The following C9orf85 variants were observed in gnomAD, a reference collection of about 807,000 sequenced individuals.
C9orf85 encodes uncharacterized protein C9orf85.
Under a neutral mutation model 14.9 loss-of-function variants are expected in C9orf85, and 16 were observed. The ratio of observed to expected loss-of-function variants is 1.08; its 90% confidence interval spans 0.73 to 1.63. C9orf85 has a LOEUF of 1.63. Among genes scored for constraint, C9orf85 ranks in the 40% most tolerant of loss-of-function variants. The probability of loss-of-function intolerance (pLI) is 0.00; values close to 1 mark genes in which losing one functional copy is unlikely to be tolerated. For missense variants in C9orf85, 172 were observed against 186.1 expected, an observed-to-expected ratio of 0.92 and a Z score of 0.44; for synonymous variants, 45 against 56.8, an observed-to-expected ratio of 0.79 and a Z score of 0.93.
chr9:71,928,442 T>A (rs1036863926), intron 1 of C9orf85, among the ~76,000 whole-genome samples: 2 of 152,220 alleles, frequency 1.3e-5, no homozygotes. Flanking sequence ...ATCTTTGAGA[T>A]GCTTAGCATA....
downstream of C9orf85, chr9:71,985,188 G>A (rs1197522757): frequency 2.0e-5 from 3 of 152,140 alleles, no homozygotes; most frequent in Admixed American, 6.5e-5. Flanking sequence ...TTTTTATTGC[G>A]GGGGAGTGAT....
chr9:71,963,670 G>A (rs1347648577), intron 2 of C9orf85, among the ~76,000 whole-genome samples: 1 of 152,362 alleles, frequency 6.6e-6, no homozygotes, highest in South Asian at 2.1e-4. Flanking sequence ...GCAATGAGGG[G>A]CTTAGCACCC....
intron 2 of C9orf85, among the ~76,000 whole-genome samples, chr9:71,951,550 G>A (rs569552067): frequency 3.3e-5 from 5 of 152,294 alleles, no homozygotes; most frequent in East Asian, 1.9e-4. Context: ...TACTCCCTGC[G>A]GGAGGGCTGC....
chr9:71,921,795 A>C (rs1348397141), intron 1 of C9orf85, among the ~76,000 whole-genome samples: 1 of 152,206 alleles, frequency 6.6e-6, no homozygotes, highest in African/African-American at 2.4e-5. Context: ...GGCACTGTCC[A>C]TGAAGGTAAT....
chr9:71,945,359 AAC>A (rs1822057704), intron 1 of C9orf85, among the ~76,000 whole-genome samples: 1 of 152,218 alleles, frequency 6.6e-6, no homozygotes, highest in Non-Finnish European at 1.5e-5. Flanking sequence ...TCTTTCTGGC[AAC>A]AGTTAGGGGC....
chr9:71,958,318 A>G (rs1589265520), intron 2 of C9orf85, among the ~76,000 whole-genome samples: 1 of 148,520 alleles, frequency 6.7e-6, no homozygotes, highest in African/African-American at 2.5e-5. Context: ...ACTGGAGTGC[A>G]ATGGCATGAT....
Position 71,972,576 on chromosome 9 carries a change from C to A in C9orf85, c.324-116C>A. 4 of 671,772 alleles carry A rather than the reference C, an allele frequency of 6.0e-6. No individual in the cohort carries two copies. The South Asian group carries it at 9.0e-5, about 15-fold the overall frequency. The allele number at this position is 671,772 out of a possible 1,614,324, so 41.6% of individuals were successfully genotyped here. A position where few individuals can be genotyped will look rare whatever the true frequency, so the allele number is the denominator to read the frequency against. ...TCCCAGGTGGATCTTTTTCTTTATA[C>A]TTACTTCATTAGGTTTCTGTTATTC... On this transcript the variant is annotated intron_variant, in intron 3 of 3. Transcript: ENST00000334731.
intron 2 of C9orf85, among the ~76,000 whole-genome samples, chr9:71,954,279 G>A (rs770531122): frequency 6.6e-6 from 1 of 151,120 alleles, no homozygotes; most frequent in Non-Finnish European, 1.5e-5. Flanking sequence ...TGGTTGGTCG[G>A]GGGGAGGGGG....
At chr9:71,985,755 A>T (rs559416360), downstream of C9orf85, 4 of 152,328 alleles carry the variant, frequency 2.6e-5, no homozygotes, top group East Asian at 5.8e-4. Flanking sequence ...GCTAAAGGTC[A>T]GTGTTTCCCA....
In C9orf85 at chr9:71,944,289, A is replaced by G. The variant is rs569392508; in HGVS notation, c.103-2717A>G. Among the ~76,000 whole-genome samples, 21 of 151,868 alleles carry G rather than the reference A, an allele frequency of 1.4e-4. No homozygotes were observed. In the South Asian group the frequency reaches 4.2e-3, roughly 30 times the overall value. ...CTAAGACATTTTTAAGACGTTATGT[A>G]TATATTAAGTAGGCATGTTTTTTGA... On this transcript the variant is annotated intron_variant, in intron 1 of 3. Coordinates refer to ENST00000334731, the MANE Select transcript of C9orf85 (RefSeq NM_182505.5).
intron 1 of C9orf85, among the ~76,000 whole-genome samples, chr9:71,940,405 G>C (rs1177878335): frequency 6.6e-6 from 1 of 152,080 alleles, no homozygotes; most frequent in East Asian, 1.9e-4. Flanking sequence ...CTGCGCTCAA[G>C]CCTGGGCAAC....
At chr9:71,982,938 T>C (rs1255462429) in exon 4 of C9orf85, 2 of 202,994 alleles carry the variant, frequency 9.9e-6, no homozygotes, top group Non-Finnish European at 2.0e-5. Context: ...CTGGCCTAAT[T>C]TGTATATTTC....
At chr9:71,959,380 G>A (rs895988274) in intron 2 of C9orf85, among the ~76,000 whole-genome samples, 3 of 151,724 alleles carry the variant, frequency 2.0e-5, no homozygotes, top group East Asian at 1.9e-4. Context: ...CAGATGATCC[G>A]CCTGCCTCAG....
intron 2 of C9orf85, among the ~76,000 whole-genome samples, chr9:71,961,483 C>A (rs576569884): frequency 8.5e-5 from 13 of 152,108 alleles, no homozygotes; most frequent in African/African-American, 3.1e-4. Context: ...ATCGCTTGAA[C>A]CTGGGAGGCT....
rs149669860 is a variant in C9orf85 at position 71,970,769 on chromosome 9, T to C, written c.210-736T>C. On this transcript the variant is annotated intron_variant, in intron 2 of 3. Coordinates refer to ENST00000334731, the MANE Select transcript of C9orf85 (RefSeq NM_182505.5). The stretch of plus-strand genomic sequence containing the variant: ...AGCTGGAATTTTAATAGAGAGTTCA[T>C]TGAGTCTGTAGATCAGTTTGGGGAG... 3.0e-4 allele frequency among the ~76,000 whole-genome samples: 45 copies of C among 152,238 alleles called. 1 individual carries two copies. Among genetic ancestry groups the C allele is most frequent in the African/African-American group, 9.6e-4 (40 of 41,540 alleles).
chr9:71,937,858 G>A (rs1303384902), intron 1 of C9orf85, among the ~76,000 whole-genome samples: 4 of 151,988 alleles, frequency 2.6e-5, no homozygotes, highest in African/African-American at 9.6e-5. Context: ...TGCTCAACTT[G>A]GACTTAAGTT....
chr9:71,933,395 CCT>C (rs773542000), intron 1 of C9orf85, among the ~76,000 whole-genome samples: 35 of 152,172 alleles, frequency 2.3e-4, no homozygotes, highest in African/African-American at 5.8e-4. Context: ...GAATAATCCC[CCT>C]GTTATATGCA....
At chr9:71,938,265 G>A (rs1250251830) in intron 1 of C9orf85, among the ~76,000 whole-genome samples, 1 of 151,952 alleles carries the variant, frequency 6.6e-6, no homozygotes. Flanking sequence ...TCTCAAAAAG[G>A]GAACTGTCAG....
chr9:71,973,191 A>T lies in C9orf85; in HGVS notation c.*349A>T, dbSNP rs1456158103. The stretch of plus-strand genomic sequence containing the variant: ...CAATTTAGAATGTGAAATTCTGACC[A>T]CCTTTTGGCTTTGAGTATTTTCCAA... On this transcript the variant is annotated 3_prime_UTR_variant, in exon 4 of 4. Coordinates refer to ENST00000334731, the MANE Select transcript of C9orf85 (RefSeq NM_182505.5). 5 of 153,196 alleles carry T rather than the reference A, an allele frequency of 3.3e-5. No homozygotes were observed. In the East Asian group the frequency reaches 9.5e-4, roughly 29 times the overall value. The allele number at this position is 153,196 out of a possible 1,614,324, so 9.5% of individuals were successfully genotyped here.
Sources: gnomAD v4.1 joint callset for allele counts (sites outside exome capture counted in the v4.1 genomes callset) on GRCh38, gnomAD v4.1.1 for gene constraint, MANE v1.5 for transcripts, NCBI Gene and HGNC (gene_info 2026-07-23, HGNC 2026-07-21) for gene names.